The following AKAP19 variants were observed in gnomAD, a reference collection of about 807,000 sequenced individuals.
AKAP19 encodes A-kinase anchoring protein 19, also known as small A-kinase anchoring protein.
the AKAP19 span, among the ~76,000 whole-genome samples, chr2:189,981,063 C>A: frequency 6.6e-6 from 1 of 152,104 alleles, no homozygotes; most frequent in Admixed American, 6.6e-5. Flanking sequence ...CAATTTAAGT[C>A]CAGAGTTAGT....
At chr2:189,995,174 CTT>C in the AKAP19 span, among the ~76,000 whole-genome samples, 1 of 152,104 alleles carries the variant, frequency 6.6e-6, no homozygotes, top group Non-Finnish European at 1.5e-5. Context: ...TCCATTGTGT[CTT>C]TGTTGACTTC....
At chr2:189,923,959 G>A in the AKAP19 span, 3 of 1,609,200 alleles carry the variant, frequency 1.9e-6, no homozygotes, top group East Asian at 4.5e-5. Flanking sequence ...AAAAGGAACA[G>A]AGCAAACAAG....
chr2:190,119,137 C>T, the AKAP19 span, among the ~76,000 whole-genome samples: 1 of 152,132 alleles, frequency 6.6e-6, no homozygotes, highest in South Asian at 2.1e-4. Flanking sequence ...AAGAGAACAC[C>T]AGGGTTCTTG....
At chr2:190,010,326 A>G in the AKAP19 span, among the ~76,000 whole-genome samples, 5,246 of 152,254 alleles carry the variant, frequency 0.034, 286 homozygotes, top group African/African-American at 0.12. Flanking sequence ...ATTTTCTTAC[A>G]GGAGTAGGAA....
the AKAP19 span, among the ~76,000 whole-genome samples, chr2:190,008,821 T>G: frequency 6.6e-6 from 1 of 151,066 alleles, no homozygotes; most frequent in Admixed American, 6.6e-5. Context: ...AAGCAAAGTG[T>G]GATATGTGCT....
chr2:190,069,050 C>G, the AKAP19 span, among the ~76,000 whole-genome samples: 1 of 151,956 alleles, frequency 6.6e-6, no homozygotes, highest in East Asian at 1.9e-4. Flanking sequence ...CCTTCCCCAA[C>G]ATAGGTTCAT....
At chr2:190,003,856 G>A in the AKAP19 span, among the ~76,000 whole-genome samples, 2 of 151,592 alleles carry the variant, frequency 1.3e-5, no homozygotes, top group East Asian at 1.9e-4. Flanking sequence ...GACAGAGTGA[G>A]ACTCTGTATA....
the AKAP19 span, among the ~76,000 whole-genome samples, chr2:189,904,629 A>T: frequency 1.3e-5 from 2 of 152,036 alleles, no homozygotes; most frequent in Non-Finnish European, 2.9e-5. Flanking sequence ...ATATTTGAAA[A>T]GCAATTGTTT....
At chr2:189,958,766 A>G in the AKAP19 span, among the ~76,000 whole-genome samples, 28 of 152,106 alleles carry the variant, frequency 1.8e-4, no homozygotes, top group Non-Finnish European at 3.2e-4. Flanking sequence ...GGAATGCTAC[A>G]TAGCAATAAA....
the AKAP19 span, among the ~76,000 whole-genome samples, chr2:190,105,588 C>G: frequency 0.04 from 6,120 of 152,302 alleles, 411 homozygotes; most frequent in African/African-American, 0.14. Context: ...TGCCTTACAA[C>G]CTTTCAAATC....
chr2:190,105,306 A>G, the AKAP19 span, among the ~76,000 whole-genome samples: 1 of 152,132 alleles, frequency 6.6e-6, no homozygotes, highest in East Asian at 1.9e-4. Context: ...AGTCTCTTTC[A>G]CTCTTTTTCA....
At chr2:190,071,864 A>G in the AKAP19 span, among the ~76,000 whole-genome samples, 43 of 152,290 alleles carry the variant, frequency 2.8e-4, no homozygotes, top group African/African-American at 1.0e-3. Flanking sequence ...ACAAAAAAGA[A>G]CTGGAGTCAT....
chr2:190,059,530 T>C, the AKAP19 span, among the ~76,000 whole-genome samples: 40 of 152,002 alleles, frequency 2.6e-4, no homozygotes, highest in Non-Finnish European at 5.0e-4. Context: ...CATATTTATC[T>C]TGAGAAACCT....
chr2:190,030,452 C>T, the AKAP19 span, among the ~76,000 whole-genome samples: 1 of 152,306 alleles, frequency 6.6e-6, no homozygotes, highest in East Asian at 1.9e-4. Context: ...AAGGTTCTGT[C>T]CTTGTTCTCT....
At chr2:190,021,767 C>T in the AKAP19 span, among the ~76,000 whole-genome samples, 3 of 152,362 alleles carry the variant, frequency 2.0e-5, no homozygotes, top group East Asian at 5.8e-4. Flanking sequence ...TAATCTGAGG[C>T]TCTCTTTGCC....
chr2:189,974,796 T>C, the AKAP19 span, among the ~76,000 whole-genome samples: 10 of 152,322 alleles, frequency 6.6e-5, no homozygotes, highest in Middle Eastern at 3.4e-3. Context: ...GAGACTAAGA[T>C]TGCAACCCCT....
At chr2:189,945,732 C>A in the AKAP19 span, among the ~76,000 whole-genome samples, 3 of 152,116 alleles carry the variant, frequency 2.0e-5, no homozygotes, top group Non-Finnish European at 4.4e-5. Flanking sequence ...TTAAGTACTT[C>A]CAGGGGTCCT....
chr2:189,929,906 G>A, the AKAP19 span, among the ~76,000 whole-genome samples: 1 of 152,098 alleles, frequency 6.6e-6, no homozygotes, highest in African/African-American at 2.4e-5. Flanking sequence ...AGAGAAGAAA[G>A]TTATTTCATT....
chr2:190,047,379 C>T, the AKAP19 span, among the ~76,000 whole-genome samples: 5 of 152,220 alleles, frequency 3.3e-5, no homozygotes, highest in Admixed American at 3.3e-4. Context: ...GTCTCCTCCT[C>T]TTTAAGTCGT....
Sources: allele counts gnomAD v4.1 joint callset (sites outside exome capture counted in the v4.1 genomes callset), GRCh38; gene constraint gnomAD v4.1.1; transcripts MANE v1.5; gene names NCBI Gene and HGNC (gene_info 2026-07-23, HGNC 2026-07-21).